The following G6PC1 variants were observed in gnomAD, a reference collection of about 807,000 sequenced individuals.
The protein encoded by G6PC1 is G-6-Pase.
In G6PC1, 23 loss-of-function variants were observed where a neutral mutation model predicts 30.4. That is an observed-to-expected ratio of 0.76 (90% CI 0.55 to 1.07). The LOEUF is 1.07. G6PC1 is among the 50% of genes least tolerant of loss of function. The pLI, the probability that G6PC1 is intolerant of heterozygous loss-of-function variation, is 0.00. For synonymous variants in G6PC1, 163 were observed against 175.6 expected, an observed-to-expected ratio of 0.93 and a Z score of 0.57; for missense variants, 391 against 433.9, an observed-to-expected ratio of 0.90 and a Z score of 0.88.
At chr17:42,905,429 A>AAAAATATATATATAT (rs572893716) in intron 2 of G6PC1, among the ~76,000 whole-genome samples, 5 of 120,860 alleles carry the variant, frequency 4.1e-5, no homozygotes, top group Non-Finnish European at 4.8e-5. Context: ...AAAAAAAAAA[A>AAAAATATATATATAT]ATATATATAT....
Position 42,901,033 on chromosome 17 carries a change from C to T in G6PC1, c.157C>T (p.Leu53Phe). 6.2e-7 allele frequency: 1 copy of T among 1,614,206 alleles called. No homozygotes were observed. Among genetic ancestry groups the T allele is most frequent in the Non-Finnish European group, 8.5e-7 (1 of 1,180,036 alleles). Residue 53 changes from leucine (L) to phenylalanine (F), a missense_variant, in exon 1 of 5, where the codon CTT becomes TTT. Physicochemically the swap from Leu to Phe is conservative, Grantham distance 22. Transcript: ENST00000253801. ...FYVLFPIWFHLQEAVGIKLLW... is the reference protein window; with the variant it reads ...FYVLFPIWFHFQEAVGIKLLW... ...CGTCCTCTTCCCCATCTGGTTCCAT[C>T]TTCAGGAAGCTGTGGGCATTAAACT...
Position 42,911,508 on chromosome 17 carries a change from G to A in G6PC1, c.*82G>A, listed in dbSNP as rs184246813. The A allele has an allele frequency of 6.3e-7, 1 of 1,591,052 alleles. No homozygotes were observed. The highest frequency in any genetic ancestry group is 8.6e-7 in the Non-Finnish European group (1 of 1,164,766). On this transcript the variant is annotated 3_prime_UTR_variant, in exon 5 of 5. Transcript: ENST00000253801. ...CTACTATTTGAAGCAATGGGCACTGGTATTTGGAGCAAGTGACATGCCATC... is the reference window on the plus strand; with the variant it reads ...CTACTATTTGAAGCAATGGGCACTGATATTTGGAGCAAGTGACATGCCATC...
At chr17:42,906,997 T>G (rs161630) in intron 2 of G6PC1, among the ~76,000 whole-genome samples, 19,832 of 151,882 alleles carry the variant, frequency 0.13, 1,878 homozygotes, top group African/African-American at 0.26. Flanking sequence ...TTCAAGGATG[T>G]GAGGAAGTAA....
Position 42,903,958 on chromosome 17 carries a change from G to A in G6PC1, c.258G>A (p.Trp86Ter), listed in dbSNP as rs142917638. ...KWILFGQRPY[W>*]WVLDTDYYSN... ...TTCTCTTTGGACAGCGTCCATACTGGTGGGTTTTGGATACTGACTACTACA... is the reference window on the plus strand; with the variant it reads ...TTCTCTTTGGACAGCGTCCATACTGATGGGTTTTGGATACTGACTACTACA... The change falls in exon 2 of 5, where the codon TGG becomes TGA. Residue 86 changes from tryptophan (W) to a stop codon, truncating the protein, a stop_gained. Coordinates refer to ENST00000253801, the MANE Select transcript of G6PC1 (RefSeq NM_000151.4). LOFTEE classifies it high-confidence loss of function. 4 of 1,613,678 alleles carry A rather than the reference G, an allele frequency of 2.5e-6. No individual in the cohort carries two copies. Among genetic ancestry groups the A allele is most frequent in the Non-Finnish European group, 3.4e-6 (4 of 1,179,648 alleles).
intron 3 of G6PC1, among the ~76,000 whole-genome samples, chr17:42,908,704 C>CTTT (rs751084537): frequency 8.4e-4 from 101 of 120,242 alleles, no homozygotes; most frequent in African/African-American, 2.8e-3. Context: ...CGCGCCTGGC[C>CTTT]TTTTTTTTTT....
Position 42,907,339 on chromosome 17 carries a change from G to A in G6PC1, c.341-184G>A, listed in dbSNP as rs546345986. Among the ~76,000 whole-genome samples the A allele has an allele frequency of 2.0e-5, 3 of 150,184 alleles. No individual in the cohort carries two copies. In the East Asian group the frequency reaches 5.9e-4, roughly 30 times the overall value. ...GAAATTTGTTAAATAAATGAATTAT[G>A]GATAACGAATGGATGGTAAGATGGG... On this transcript the variant is annotated intron_variant, in intron 2 of 4. Transcript: ENST00000253801.
chr17:42,908,743 G>A (rs892536767), intron 3 of G6PC1, among the ~76,000 whole-genome samples: 2 of 130,970 alleles, frequency 1.5e-5, no homozygotes, highest in Non-Finnish European at 3.1e-5. Context: ...TGCTCTTGTT[G>A]CCCAGGCTAG....
rs397735497 is a variant in G6PC1 at position 42,912,638 on chromosome 17, CTTT to C, written c.*1225_*1227del. On this transcript the variant is annotated 3_prime_UTR_variant, in exon 5 of 5. Transcript: ENST00000253801. ...TAAAGGAAAAGTCAACATCTTCTCTCTTTTTTTTTTTTTTTGAGACAGGGTCTC... is the reference window on the plus strand; with the variant it reads ...TAAAGGAAAAGTCAACATCTTCTCTCTTTTTTTTTTTTGAGACAGGGTCTC... 6 of 139,572 alleles carry C rather than the reference CTTT, an allele frequency of 4.3e-5. No individual in the cohort carries two copies. Among genetic ancestry groups the C allele is most frequent in the East Asian group, 2.1e-4 (1 of 4,794 alleles). 8.6% of individuals were successfully genotyped at this position (139,572 alleles called of 1,614,324 possible). A position where few individuals can be genotyped will look rare whatever the true frequency, so the allele number is the denominator to read the frequency against.
At position 42,900,838 on chromosome 17, in the gene G6PC1, G is replaced by A. The variant is rs756696261; in HGVS notation, c.-39G>A. ...CACCAAGCCTGGAATAACTGCAAGG[G>A]CTCTGCTGACATCTTCCTGAGGTGC... On this transcript the variant is annotated 5_prime_UTR_variant, in exon 1 of 5. Transcript: ENST00000253801. 1 of 1,538,674 alleles carries A rather than the reference G, an allele frequency of 6.5e-7. No individual in the cohort carries two copies. The highest frequency in any genetic ancestry group is 9.0e-7 in the Non-Finnish European group (1 of 1,112,662).
Position 42,911,173 on chromosome 17 carries a change from C to T in G6PC1, c.821C>T (p.Ala274Val), listed in dbSNP as rs774212157. The T allele has an allele frequency of 3.7e-6, 6 of 1,614,172 alleles. No individual in the cohort carries two copies. The highest frequency in any genetic ancestry group is 5.1e-6 in the Non-Finnish European group (6 of 1,180,036). The change falls in exon 5 of 5, where the codon GCT becomes GTT. Residue 274 changes from alanine (A) to valine (V), a missense_variant. Ala to Val is a moderately conservative substitution (Grantham distance 64). Coordinates refer to ENST00000253801, the MANE Select transcript of G6PC1 (RefSeq NM_000151.4). ...GGCACGCTCTTTGGCCTGGGGCTGG[C>T]TCTCAACTCCAGCATGTACAGGGAG... ...NLGTLFGLGLALNSSMYRESC... is the reference protein window; with the variant it reads ...NLGTLFGLGLVLNSSMYRESC...
chr17:42,903,888 C>A, intron 1 of G6PC1, 43 bp from the exon 2 acceptor site: 1 of 1,310,768 alleles, frequency 7.6e-7, no homozygotes, highest in Non-Finnish European at 1.1e-6. Flanking sequence ...TGGGCAAAAG[C>A]ATTCATTCAG....
rs796136235 is a variant in G6PC1, at chr17:42,907,605, G to C, written c.423G>C (p.Lys141Asn). 1 of 1,613,872 alleles carries C rather than the reference G, an allele frequency of 6.2e-7. No individual in the cohort carries two copies. Among genetic ancestry groups the C allele is most frequent in the Admixed American group, 1.7e-5 (1 of 60,004 alleles). Residue 141 changes from lysine to asparagine, a missense_variant, in exon 3 of 5, where the codon AAG becomes AAC. Transcript: ENST00000253801. ...VTSTLSIFQG[K>N]IKPTYRFRCL... ...CTACTCTTTCCATCTTTCAGGGAAA[G>C]ATAAAGCCGACCTACAGATTTCGGT...
Position 42,911,138 on chromosome 17 carries a change from C to T in G6PC1, c.786C>T (p.Leu262=), listed in dbSNP as rs138509513. 3.0e-5 allele frequency: 48 copies of T among 1,614,036 alleles called. No homozygotes were observed. The highest frequency in any genetic ancestry group is 3.9e-5 in the Non-Finnish European group (46 of 1,180,022). Residue 262 remains leucine (L), a synonymous_variant, in exon 5 of 5, where the codon CTC becomes CTT. Coordinates refer to ENST00000253801, the MANE Select transcript of G6PC1 (RefSeq NM_000151.4). ...ACACCACACCCTTTGCCAGCCTCCT[C>T]AAGAACCTGGGCACGCTCTTTGGCC... is the stretch of plus-strand genomic sequence containing the variant. The part of the protein sequence containing the change: ...HIDTTPFASL[L]KNLGTLFGLG...
At chr17:42,902,995 T>C (rs2056036249) in intron 1 of G6PC1, among the ~76,000 whole-genome samples, 1 of 151,676 alleles carries the variant, frequency 6.6e-6, no homozygotes, top group Non-Finnish European at 1.5e-5. Flanking sequence ...TTTCAAACTG[T>C]AGTTCCATAT....
At position 42,900,951 on chromosome 17, in the gene G6PC1, C is replaced by A. The variant is rs369488416; in HGVS notation, c.75C>A (p.Asp25Glu). 6.2e-7 allele frequency: 1 copy of A among 1,614,126 alleles called. No individual in the cohort carries two copies. The highest frequency in any genetic ancestry group is 2.2e-5 in the East Asian group (1 of 44,876). Residue 25 changes from aspartate to glutamate, a missense_variant, in exon 1 of 5, where the codon GAC becomes GAA. By Grantham distance (45) the Asp-to-Glu change is conservative. Coordinates refer to ENST00000253801, the MANE Select transcript of G6PC1 (RefSeq NM_000151.4). Reference sequence around the variant, plus strand: ...ATTACCTCCAGGTGAATTACCAAGACTCCCAGGACTGGTTCATCTTGGTGT... The same window carrying A: ...ATTACCTCCAGGTGAATTACCAAGAATCCCAGGACTGGTTCATCTTGGTGT... Reference protein sequence around the residue: ...STHYLQVNYQDSQDWFILVSV... With the variant: ...STHYLQVNYQESQDWFILVSV...
chr17:42,904,188 A>G (rs1597988390), intron 2 of G6PC1, 148 bp downstream of exon 2: 2 of 704,226 alleles, frequency 2.8e-6, no homozygotes, highest in East Asian at 5.4e-5. Flanking sequence ...CACTTCTGCA[A>G]TACTTTCCTG....
intron 1 of G6PC1, among the ~76,000 whole-genome samples, chr17:42,901,852 GGC>G (rs112596257): frequency 0.022 from 3,288 of 152,236 alleles, 60 homozygotes; most frequent in African/African-American, 0.047. Context: ...ACATGTCCTT[GGC>G]AAGTCATATC....
chr17:42,911,591 T>C lies in G6PC1; in HGVS notation c.*165T>C, dbSNP rs867584902. 1.8e-5 allele frequency: 18 copies of C among 999,954 alleles called. No homozygotes were observed. The South Asian group carries it at 2.5e-4, about 14-fold the overall frequency. 61.9% of individuals were successfully genotyped at this position (999,954 alleles called of 1,614,324 possible). On this transcript the variant is annotated 3_prime_UTR_variant, in exon 5 of 5. Coordinates refer to ENST00000253801, the MANE Select transcript of G6PC1 (RefSeq NM_000151.4). ...GCAGATTGGAGGGTCGCCTGGCTTATTCCCATGTGTGACTCCAGCCTGCCC... is the reference window on the plus strand; with the variant it reads ...GCAGATTGGAGGGTCGCCTGGCTTACTCCCATGTGTGACTCCAGCCTGCCC...
At chr17:42,902,404 T>A (rs1255916283) in intron 1 of G6PC1, among the ~76,000 whole-genome samples, 1 of 152,088 alleles carries the variant, frequency 6.6e-6, no homozygotes, top group African/African-American at 2.4e-5. Flanking sequence ...CCCGCCACCA[T>A]GCCCAGCTAA....
Sources: gnomAD v4.1 joint callset for allele counts (sites outside exome capture counted in the v4.1 genomes callset) on GRCh38, gnomAD v4.1.1 for gene constraint, MANE v1.5 for transcripts, NCBI Gene and HGNC (gene_info 2026-07-23, HGNC 2026-07-21) for gene names.